LRMDA: variants seen among roughly 807,000 people sequenced by gnomAD.
The protein encoded by LRMDA is leucine-rich melanocyte differentiation-associated protein.
LRMDA carries 18 observed loss-of-function variants against 29.8 expected under a neutral mutation model. That is an observed-to-expected ratio of 0.60 (90% CI 0.42 to 0.90). The LOEUF is 0.90. Among genes scored for constraint, LRMDA ranks in the 40% least tolerant of loss-of-function variants. The pLI, the probability that LRMDA is intolerant of heterozygous loss-of-function variation, is 0.00. For missense variants in LRMDA, 273 were observed against 273.9 expected, an observed-to-expected ratio of 1.00 and a Z score of 0.02; for synonymous variants, 125 against 109.4, an observed-to-expected ratio of 1.14 and a Z score of -0.89.
At chr10:76,520,964 TAG>T (rs1031568489) in intron 6 of LRMDA, among the ~76,000 whole-genome samples, 18 of 152,282 alleles carry the variant, frequency 1.2e-4, no homozygotes, top group African/African-American at 3.1e-4. Context: ...TGATAAAAAA[TAG>T]AGACATATTT....
chr10:76,017,331 G>A (rs1157371853), intron 2 of LRMDA, among the ~76,000 whole-genome samples: 2 of 152,326 alleles, frequency 1.3e-5, no homozygotes, highest in East Asian at 1.9e-4. Flanking sequence ...TAGGAGAGAG[G>A]TCTGGAACAG....
At chr10:76,423,169 C>T (rs924698528) in intron 6 of LRMDA, among the ~76,000 whole-genome samples, 2 of 152,150 alleles carry the variant, frequency 1.3e-5, no homozygotes, top group Admixed American at 6.5e-5. Flanking sequence ...CTGACGCAGG[C>T]AGATCGCTTG....
chr10:75,827,451 T>C (rs1358983789), intron 2 of LRMDA, among the ~76,000 whole-genome samples: 1 of 152,222 alleles, frequency 6.6e-6, no homozygotes, highest in African/African-American at 2.4e-5. Context: ...TTCTTCTTGC[T>C]TGTGATTTTT....
chr10:75,511,748 G>T (rs1008844597), intron 2 of LRMDA, among the ~76,000 whole-genome samples: 2 of 152,198 alleles, frequency 1.3e-5, no homozygotes, highest in African/African-American at 4.8e-5. Context: ...TTGGACTGTT[G>T]TCTTTTTCTT....
chr10:75,512,103 A>G (rs1019633627), intron 2 of LRMDA, among the ~76,000 whole-genome samples: 6 of 152,304 alleles, frequency 3.9e-5, no homozygotes, highest in Non-Finnish European at 8.8e-5. Flanking sequence ...CACATCATCT[A>G]CACTTTCATC....
chr10:75,510,432 A>G (rs1845213191), intron 2 of LRMDA, among the ~76,000 whole-genome samples: 1 of 152,186 alleles, frequency 6.6e-6, no homozygotes, highest in African/African-American at 2.4e-5. Flanking sequence ...TATGTTACAC[A>G]CTGTAGTTTT....
At chr10:75,902,499 T>C (rs938895741) in intron 2 of LRMDA, among the ~76,000 whole-genome samples, 1 of 123,746 alleles carries the variant, frequency 8.1e-6, no homozygotes, top group African/African-American at 3.9e-5. Flanking sequence ...ATTCTTTGCT[T>C]TGGGGTATCT....
intron 6 of LRMDA, among the ~76,000 whole-genome samples, chr10:76,450,451 T>C (rs1250591484): frequency 6.6e-6 from 1 of 152,134 alleles, no homozygotes. Context: ...CATTTGGTTC[T>C]CACTAAGCCA....
At chr10:75,845,552 G>A (rs1299195980) in intron 2 of LRMDA, among the ~76,000 whole-genome samples, 1 of 152,272 alleles carries the variant, frequency 6.6e-6, no homozygotes. Context: ...TCATCACGAC[G>A]ATGAGGCCAT....
rs201025086 is a variant in LRMDA at position 75,596,555 on chromosome 10, T to TA, written c.131+158065dup. Reference sequence around the variant, plus strand: ...GAGTCTACTGAGATTTTTTTTTTTTTAAAATGACATATAATAATTGTACAT... The same window carrying TA: ...GAGTCTACTGAGATTTTTTTTTTTTTAAAAATGACATATAATAATTGTACAT... On this transcript the variant is annotated intron_variant, in intron 2 of 6. Coordinates refer to ENST00000611255, the MANE Select transcript of LRMDA (RefSeq NM_001305581.2). Among the ~76,000 whole-genome samples the TA allele has an allele frequency of 6.8e-3, 1,026 of 151,778 alleles. 7 individuals are homozygous for TA. Among genetic ancestry groups the TA allele is most frequent in the Middle Eastern group, 0.017 (5 of 292 alleles).
intron 6 of LRMDA, among the ~76,000 whole-genome samples, chr10:76,352,033 G>C (rs1405557091): frequency 1.3e-5 from 2 of 152,104 alleles, no homozygotes; most frequent in African/African-American, 4.8e-5. Flanking sequence ...TGACCACTCT[G>C]CATCTCCCTC....
At chr10:76,350,363 A>T (rs1841160483) in intron 6 of LRMDA, among the ~76,000 whole-genome samples, 1 of 152,164 alleles carries the variant, frequency 6.6e-6, no homozygotes, top group Non-Finnish European at 1.5e-5. Flanking sequence ...TTATTAAGTT[A>T]TCAATTTTAT....
In LRMDA at chr10:75,520,137, G is replaced by A. The variant is rs11597752; in HGVS notation, c.131+81643G>A. On this transcript the variant is annotated intron_variant, in intron 2 of 6. Coordinates refer to ENST00000611255, the MANE Select transcript of LRMDA (RefSeq NM_001305581.2). ...TTTTTTCCTTCATTTCAACCTTGGT[G>A]AATCTGACAATTATGTGTCTTGAGG... is the stretch of plus-strand genomic sequence containing the variant. Among the ~76,000 whole-genome samples the A allele has an allele frequency of 8.5e-3, 1,300 of 152,280 alleles. 12 individuals are homozygous for A. The highest frequency in any genetic ancestry group is 0.017 in the Middle Eastern group (5 of 294).
At chr10:75,751,726 A>C (rs976851943) in intron 2 of LRMDA, among the ~76,000 whole-genome samples, 3 of 151,764 alleles carry the variant, frequency 2.0e-5, no homozygotes, top group African/African-American at 7.3e-5. Context: ...ATTTACTCTT[A>C]GGACATCCCC....
chr10:76,416,718 G>T (rs1842018856), intron 6 of LRMDA, among the ~76,000 whole-genome samples: 1 of 152,206 alleles, frequency 6.6e-6, no homozygotes, highest in South Asian at 2.1e-4. Flanking sequence ...AGATCAAGTA[G>T]TCGTAATAAT....
chr10:75,800,438 CTTT>C (rs56269028), intron 2 of LRMDA, among the ~76,000 whole-genome samples: 1 of 145,634 alleles, frequency 6.9e-6, no homozygotes. Context: ...TAATCTTTTT[CTTT>C]TTTTTTTTTC....
intron 2 of LRMDA, among the ~76,000 whole-genome samples, chr10:75,996,248 C>A (rs1365196676): frequency 6.6e-6 from 1 of 152,130 alleles, no homozygotes; most frequent in African/African-American, 2.4e-5. Flanking sequence ...TCTTCGGCAT[C>A]CCTGGGACTC....
intron 2 of LRMDA, chr10:75,451,529 TGA>T (rs1194416830): frequency 6.6e-6 from 1 of 152,136 alleles, no homozygotes; most frequent in Non-Finnish European, 1.5e-5. Flanking sequence ...GCTAAATAAA[TGA>T]GAGGGGAGAA....
At chr10:75,890,503 A>G (rs1314478490) in intron 2 of LRMDA, among the ~76,000 whole-genome samples, 2 of 145,794 alleles carry the variant, frequency 1.4e-5, no homozygotes, top group Non-Finnish European at 3.1e-5. Flanking sequence ...TGATATATGA[A>G]GCCGATCCAG....
Sources: allele counts gnomAD v4.1 joint callset (sites outside exome capture counted in the v4.1 genomes callset), GRCh38; gene constraint gnomAD v4.1.1; transcripts MANE v1.5; gene names NCBI Gene and HGNC (gene_info 2026-07-23, HGNC 2026-07-21).